Variants in MAPK10 observed in about 807,000 individuals in gnomAD.
MAPK10 encodes the protein JNK3 alpha protein kinase.
MAPK10 carries 25 observed loss-of-function variants against 59.3 expected under a neutral mutation model. The observed-to-expected ratio is 0.42, with a 90% CI of 0.31 to 0.59. The LOEUF (loss-of-function observed/expected upper bound fraction) is 0.59, where lower values mean the gene tolerates loss of function less well. Among genes scored for constraint, MAPK10 ranks in the 20% least tolerant of loss-of-function variants. The pLI, the probability that MAPK10 is intolerant of heterozygous loss-of-function variation, is 0.15. For synonymous variants in MAPK10, 190 were observed against 200.5 expected (o/e 0.95, Z 0.44); for missense variants, 351 against 568.9 (o/e 0.62, Z 3.90).
chr4:86,563,249 A>G (rs1760812283), intron 1 of MAPK10, among the ~76,000 whole-genome samples: 2 of 152,158 alleles, frequency 1.3e-5, no homozygotes, highest in African/African-American at 4.8e-5. Context: ...GGAAGAAAGG[A>G]ATTTTATTCA....
At chr4:86,437,066 A>T (rs1409203814) in intron 1 of MAPK10, among the ~76,000 whole-genome samples, 3 of 152,044 alleles carry the variant, frequency 2.0e-5, no homozygotes, top group South Asian at 2.1e-4. Flanking sequence ...CAAAAAAAAT[A>T]AGCCAGGCGT....
intron 1 of MAPK10, among the ~76,000 whole-genome samples, chr4:86,494,678 C>T (rs1217868787): frequency 6.6e-6 from 1 of 151,456 alleles, no homozygotes; most frequent in Admixed American, 6.6e-5. Flanking sequence ...CCCGTCTCTA[C>T]TGAAAATACA....
Position 86,195,314 on chromosome 4 carries a change from C to T in MAPK10, c.-6-907G>A, listed in dbSNP as rs543298363. Among the ~76,000 whole-genome samples the T allele has an allele frequency of 5.3e-5, 8 of 152,266 alleles. No homozygotes were observed. In the East Asian group the frequency reaches 1.2e-3, roughly 22 times the overall value. On this transcript the variant is annotated intron_variant, in intron 2 of 13. Transcript: ENST00000641462. ...ACCATTTAAAAACACCATCAATATG[C>T]GACTTCCATTTCTGGCAAGGATTGA... is the stretch of plus-strand genomic sequence containing the variant.
At chr4:86,329,454 A>G (rs548790468) in intron 2 of MAPK10, among the ~76,000 whole-genome samples, 2 of 152,320 alleles carry the variant, frequency 1.3e-5, no homozygotes, top group Admixed American at 6.5e-5. Flanking sequence ...GTGCAGTTAT[A>G]TTACAATTTT....
At chr4:86,465,788 C>A (rs1053065852) in intron 1 of MAPK10, among the ~76,000 whole-genome samples, 2 of 152,154 alleles carry the variant, frequency 1.3e-5, no homozygotes, top group Non-Finnish European at 2.9e-5. Context: ...GAGGACCCCC[C>A]AGTTACAGCC....
At position 86,054,202 on chromosome 4, in the gene MAPK10, C is replaced by T. The variant is rs189658008; in HGVS notation, c.1110+10064G>A. On this transcript the variant is annotated intron_variant, in intron 11 of 13. Coordinates refer to ENST00000641462, the MANE Select transcript of MAPK10 (RefSeq NM_138982.4). ...AATTAAAATTAAGATGAACCTTTCT[C>T]TTCAGGAATAGAACTTGCTAAAATT... 1.9e-3 allele frequency among the ~76,000 whole-genome samples: 286 copies of T among 152,270 alleles called. No individual in the cohort carries two copies. In the Middle Eastern group the frequency reaches 0.027, roughly 14 times the overall value.
At chr4:86,348,611 C>T (rs562510898) in intron 2 of MAPK10, among the ~76,000 whole-genome samples, 2 of 152,182 alleles carry the variant, frequency 1.3e-5, no homozygotes, top group African/African-American at 2.4e-5. Flanking sequence ...TGGTTAAATA[C>T]TTTCAGTGAT....
chr4:86,361,664 T>TAC (rs550401183), upstream of MAPK10, among the ~76,000 whole-genome samples: 113 of 149,976 alleles, frequency 7.5e-4, no homozygotes, highest in African/African-American at 1.7e-3. Flanking sequence ...CAAACACACA[T>TAC]ACACACACAC....
chr4:86,082,074 G>C (rs1024352690), intron 9 of MAPK10: 1 of 152,092 alleles, frequency 6.6e-6, no homozygotes, highest in Non-Finnish European at 1.5e-5. Flanking sequence ...AACGATGACA[G>C]TATGGTATGT....
At chr4:86,147,372 A>C (rs1200513515) in intron 4 of MAPK10, among the ~76,000 whole-genome samples, 1 of 152,052 alleles carries the variant, frequency 6.6e-6, no homozygotes, top group Non-Finnish European at 1.5e-5. Context: ...CCTTTATTTC[A>C]GTTTACAAAC....
At chr4:86,207,079 T>G (rs370760841) in intron 2 of MAPK10, among the ~76,000 whole-genome samples, 6,490 of 151,394 alleles carry the variant, frequency 0.043, 176 homozygotes, top group East Asian at 0.12. Context: ...TTTTGTCTTT[T>G]GTTGCCATTG....
At chr4:86,242,989 G>T (rs994253556) in intron 2 of MAPK10, among the ~76,000 whole-genome samples, 1 of 152,226 alleles carries the variant, frequency 6.6e-6, no homozygotes, top group Non-Finnish European at 1.5e-5. Context: ...GGGTTGCACA[G>T]TTCCGTGGGA....
In MAPK10 at chr4:86,016,953, A is replaced by G. The variant is rs1743566277; in HGVS notation, c.*275T>C. ...ACACTTTATGGAAAAGGCTTCTCTA[A>G]TTGTGTCTGATTTGCTTTCTGTAGT... On this transcript the variant is annotated 3_prime_UTR_variant, in exon 14 of 14. Transcript: ENST00000641462. The G allele has an allele frequency of 3.3e-6, 1 of 306,008 alleles. No homozygotes were observed. The highest frequency in any genetic ancestry group is 6.1e-6 in the Non-Finnish European group (1 of 162,694). The allele number at this position is 306,008 out of a possible 1,614,324, so 19.0% of individuals were successfully genotyped here.
chr4:86,353,805 C>T (rs1367107522), intron 2 of MAPK10, among the ~76,000 whole-genome samples: 3 of 152,118 alleles, frequency 2.0e-5, no homozygotes, highest in South Asian at 2.1e-4. Flanking sequence ...CACAGTCATA[C>T]TCTAGTTCTC....
At chr4:86,502,925 A>C (rs1384412915) in intron 1 of MAPK10, among the ~76,000 whole-genome samples, 2 of 152,072 alleles carry the variant, frequency 1.3e-5, no homozygotes, top group Admixed American at 6.6e-5. Flanking sequence ...TGGATCATCA[A>C]TATAGACTAC....
intron 2 of MAPK10, among the ~76,000 whole-genome samples, chr4:86,347,218 AG>A (rs574001808): frequency 7.6e-4 from 116 of 152,320 alleles, no homozygotes; most frequent in African/African-American, 2.7e-3. Flanking sequence ...AAATTTTTCA[AG>A]TCTTAACCTG....
At chr4:86,291,785 G>GA (rs372705965) in intron 2 of MAPK10, among the ~76,000 whole-genome samples, 1 of 152,124 alleles carries the variant, frequency 6.6e-6, no homozygotes, top group South Asian at 2.1e-4. Flanking sequence ...AGAGGTTAAG[G>GA]AAAAAATGAC....
At chr4:86,536,003 T>G (rs1266212688) in intron 1 of MAPK10, among the ~76,000 whole-genome samples, 1 of 152,208 alleles carries the variant, frequency 6.6e-6, no homozygotes, top group Non-Finnish European at 1.5e-5. Flanking sequence ...AGTGAGGCTA[T>G]AGTAATGCAA....
intron 1 of MAPK10, among the ~76,000 whole-genome samples, chr4:86,402,224 A>T (rs1743822118): frequency 6.6e-6 from 1 of 152,082 alleles, no homozygotes; most frequent in Admixed American, 6.6e-5. Context: ...CCAAACCAAC[A>T]CAAAGGAAAG....
Sources: gnomAD v4.1 joint callset for allele counts (sites outside exome capture counted in the v4.1 genomes callset) on GRCh38, gnomAD v4.1.1 for gene constraint, MANE v1.5 for transcripts, NCBI Gene and HGNC (gene_info 2026-07-23, HGNC 2026-07-21) for gene names.